CALN1: variants seen among roughly 807,000 people sequenced by gnomAD.
The protein encoded by CALN1 is calneuron 1.
In CALN1, 17 loss-of-function variants were observed where a neutral mutation model predicts 30.6. The observed-to-expected ratio is 0.56, with a 90% CI of 0.38 to 0.83. The LOEUF is 0.83. CALN1 is among the 40% of genes least tolerant of loss of function. The pLI is 0.00. For missense variants in CALN1, 291 were observed against 354.9 expected, an observed-to-expected ratio of 0.82 and a Z score of 1.45; for synonymous variants, 156 against 131.4, an observed-to-expected ratio of 1.19 and a Z score of -1.28.
intron 3 of CALN1, among the ~76,000 whole-genome samples, chr7:72,263,245 A>G (rs1796389369): frequency 6.6e-6 from 1 of 152,212 alleles, no homozygotes; most frequent in Non-Finnish European, 1.5e-5. Context: ...TAGGAATAGT[A>G]ATTCCTCACT....
At chr7:71,961,735 T>G (rs749190315) in intron 5 of CALN1, among the ~76,000 whole-genome samples, 1 of 152,144 alleles carries the variant, frequency 6.6e-6, no homozygotes, top group Non-Finnish European at 1.5e-5. Flanking sequence ...TAGCTTCTGT[T>G]TGGGTTAGGC....
At chr7:72,348,337 C>T (rs574855866) in intron 2 of CALN1, among the ~76,000 whole-genome samples, 2 of 152,126 alleles carry the variant, frequency 1.3e-5, no homozygotes, top group South Asian at 2.1e-4. Context: ...ACCTGGAGAT[C>T]GTTTCTGTAT....
intron 3 of CALN1, among the ~76,000 whole-genome samples, chr7:72,208,469 G>T (rs941068572): frequency 6.6e-6 from 1 of 152,154 alleles, no homozygotes; most frequent in African/African-American, 2.4e-5. Flanking sequence ...GTCCATGGAA[G>T]ACTGCAGTTG....
At chr7:72,000,757 A>C (rs551819823) in intron 5 of CALN1, among the ~76,000 whole-genome samples, 5 of 152,324 alleles carry the variant, frequency 3.3e-5, no homozygotes, top group African/African-American at 1.2e-4. Flanking sequence ...TGCAGACCCT[A>C]TCTCTCATGA....
chr7:71,991,960 A>G (rs1798977975), intron 5 of CALN1, among the ~76,000 whole-genome samples: 1 of 152,262 alleles, frequency 6.6e-6, no homozygotes. Context: ...TGAGTCACAT[A>G]AACAGGCAGC....
At chr7:72,411,167 T>C (rs1314612837) in intron 1 of CALN1, among the ~76,000 whole-genome samples, 1 of 152,032 alleles carries the variant, frequency 6.6e-6, no homozygotes, top group African/African-American at 2.4e-5. Flanking sequence ...AAAAAAACTA[T>C]CAAAAGGAAA....
intron 5 of CALN1, among the ~76,000 whole-genome samples, chr7:71,896,749 C>T (rs1793553445): frequency 6.6e-6 from 1 of 152,154 alleles, no homozygotes; most frequent in African/African-American, 2.4e-5. Context: ...CGTCTTTGTT[C>T]TGAGGCAGCC....
chr7:72,354,889 CTT>C (rs543873177), intron 2 of CALN1, among the ~76,000 whole-genome samples: 2 of 144,054 alleles, frequency 1.4e-5, no homozygotes, highest in Middle Eastern at 3.6e-3. Flanking sequence ...GCAAAAATTT[CTT>C]TTTTTTTTTC....
chr7:72,201,373 G>C (rs972638780), intron 3 of CALN1, among the ~76,000 whole-genome samples: 1 of 152,092 alleles, frequency 6.6e-6, no homozygotes, highest in African/African-American at 2.4e-5. Context: ...TGGATCACTT[G>C]AGGTCAGACA....
At chr7:72,414,709 C>A (rs1807368858), upstream of CALN1, among the ~76,000 whole-genome samples, 1 of 152,196 alleles carries the variant, frequency 6.6e-6, no homozygotes, top group African/African-American at 2.4e-5. Flanking sequence ...GCTCTGTACC[C>A]CTCTCTGTTG....
intron 5 of CALN1, among the ~76,000 whole-genome samples, chr7:71,965,090 C>T (rs904711081): frequency 1.3e-5 from 2 of 152,078 alleles, no homozygotes; most frequent in South Asian, 2.1e-4. Flanking sequence ...TGCAGTGGTG[C>T]CATCGTAGCT....
At chr7:72,370,981 G>A (rs1173636828) in intron 2 of CALN1, among the ~76,000 whole-genome samples, 1 of 149,228 alleles carries the variant, frequency 6.7e-6, no homozygotes, top group East Asian at 2.0e-4. Context: ...CCGGGACGTG[G>A]AGGTTGCAGT....
rs563699437 is a variant in CALN1, at chr7:72,412,094, G to C, written c.-110C>G. Reference sequence around the variant, plus strand: ...ATTTATTCCTTCTGCTGGGTTGTTGGTCTCGCCGACTTTAAGAATAAAACC... The same window carrying C: ...ATTTATTCCTTCTGCTGGGTTGTTGCTCTCGCCGACTTTAAGAATAAAACC... On this transcript the variant is annotated 5_prime_UTR_variant, in exon 1 of 7. Transcript: ENST00000395275. 5.1e-4 allele frequency: 78 copies of C among 152,322 alleles called. 1 individual carries two copies. The highest frequency in any genetic ancestry group is 4.5e-3 in the South Asian group (22 of 4,912). 9.4% of individuals were successfully genotyped at this position (152,322 alleles called of 1,614,324 possible). A position where few individuals can be genotyped will look rare whatever the true frequency, so the allele number is the denominator to read the frequency against.
At chr7:72,230,548 C>CAG (rs3032181) in intron 3 of CALN1, among the ~76,000 whole-genome samples, 1,625 of 150,946 alleles carry the variant, frequency 0.011, 29 homozygotes, top group African/African-American at 0.038. Flanking sequence ...GTAGGAGAGT[C>CAG]AGAGAGAGAG....
chr7:72,467,785 CTT>C, the CALN1 span, among the ~76,000 whole-genome samples: 1 of 152,146 alleles, frequency 6.6e-6, no homozygotes, highest in Non-Finnish European at 1.5e-5. Context: ...AAGTGAATAA[CTT>C]AGTGCATTTA....
intron 2 of CALN1, among the ~76,000 whole-genome samples, chr7:72,297,588 T>C (rs368118374): frequency 1.4e-4 from 21 of 152,370 alleles, no homozygotes; most frequent in African/African-American, 5.0e-4. Flanking sequence ...TTCACACTTA[T>C]TGAAAACCTT....
chr7:72,388,860 G>C (rs1036404181), intron 2 of CALN1, among the ~76,000 whole-genome samples: 1 of 152,136 alleles, frequency 6.6e-6, no homozygotes, highest in Admixed American at 6.5e-5. Flanking sequence ...GTGCATTTGG[G>C]CTCCTTCTAG....
intron 3 of CALN1, among the ~76,000 whole-genome samples, chr7:72,235,437 T>A (rs1794408990): frequency 6.6e-6 from 1 of 152,260 alleles, no homozygotes; most frequent in Admixed American, 6.5e-5. Flanking sequence ...GAAATCTACA[T>A]TGAAGGCAAC....
intron 3 of CALN1, among the ~76,000 whole-genome samples, chr7:72,190,855 C>A (rs917390103): frequency 2.0e-5 from 3 of 150,768 alleles, no homozygotes; most frequent in Admixed American, 2.0e-4. Flanking sequence ...TATTTTTTTT[C>A]AGTTAAAAAA....
Sources: gnomAD v4.1 joint callset for allele counts (sites outside exome capture counted in the v4.1 genomes callset) on GRCh38, gnomAD v4.1.1 for gene constraint, MANE v1.5 for transcripts, NCBI Gene and HGNC (gene_info 2026-07-23, HGNC 2026-07-21) for gene names.